Variants in QRICH2 observed in about 807,000 individuals in gnomAD.
QRICH2 encodes the protein glutamine rich 2, also known as glutamine-rich protein 2.
QRICH2 carries 119 observed loss-of-function variants against 168.3 expected under a neutral mutation model. That is an observed-to-expected ratio of 0.71 (90% CI 0.61 to 0.82). The LOEUF is 0.82. Among genes scored for constraint, QRICH2 ranks in the 40% least tolerant of loss-of-function variants. The pLI is 0.00. For synonymous variants in QRICH2, 894 were observed against 951.2 expected (o/e 0.94, Z 1.11); for missense variants, 2,241 against 2,491.6 (o/e 0.90, Z 2.14).
Position 76,307,384 on chromosome 17 carries a change from G to A in QRICH2, c.534+81C>T, listed in dbSNP as rs561334026. Reference sequence around the variant, plus strand: ...GTCCCCACCACCGCTCACCCCTCCAGGGTGGTGGGGACTCGGCTAGGCCTG... The same window carrying A: ...GTCCCCACCACCGCTCACCCCTCCAAGGTGGTGGGGACTCGGCTAGGCCTG... On this transcript the variant is annotated intron_variant, in intron 1 of 18. Coordinates refer to ENST00000680821, the MANE Select transcript of QRICH2 (RefSeq NM_001388453.1). This position sits in a 1 kb window ranked among gnomAD's most constrained non-coding sequence, Gnocchi z 5.3. 9 of 1,464,764 alleles carry A rather than the reference G, an allele frequency of 6.1e-6. No homozygotes were observed. The highest frequency in any genetic ancestry group is 3.4e-5 in the South Asian group (3 of 87,282). The allele number at this position is 1,464,764 out of a possible 1,614,324, so 90.7% of individuals were successfully genotyped here.
At chr17:76,282,419 C>A (rs549119186) in intron 7 of QRICH2, among the ~76,000 whole-genome samples, 9 of 152,330 alleles carry the variant, frequency 5.9e-5, no homozygotes, top group African/African-American at 1.9e-4. Flanking sequence ...TTAGCTAAAT[C>A]GTAAAGTGCT....
intron 3 of QRICH2, among the ~76,000 whole-genome samples, chr17:76,296,574 T>C (rs1300500823): frequency 6.6e-6 from 1 of 151,986 alleles, no homozygotes; most frequent in Non-Finnish European, 1.5e-5. Flanking sequence ...GGTTAGCAGT[T>C]TGAGACCAGC....
chr17:76,291,747 A>C lies in QRICH2; in HGVS notation c.2980T>G (p.Phe994Val), dbSNP rs772774354. Reference sequence around the variant, plus strand: ...ATAAAACCTGTAGAATCTGCCTGGAATGTTGAAGAGCCACGAAGCTTTGTG... The same window carrying C: ...ATAAAACCTGTAGAATCTGCCTGGACTGTTGAAGAGCCACGAAGCTTTGTG... Reference protein sequence around the residue: ...PGTKLRGSSTFQADSTGFISV... With the variant: ...PGTKLRGSSTVQADSTGFISV... The change falls in exon 4 of 19, where the codon TTC (phenylalanine) becomes GTC (valine). Residue 994 changes from phenylalanine (F) to valine (V), a missense_variant. Transcript: ENST00000680821. 18 of 1,614,192 alleles carry C rather than the reference A, an allele frequency of 1.1e-5. No homozygotes were observed. Among genetic ancestry groups the C allele is most frequent in the Non-Finnish European group, 1.5e-5 (18 of 1,180,030 alleles).
At position 76,291,037 on chromosome 17, in the gene QRICH2, G is replaced by T; in HGVS notation, c.3690C>A (p.Ile1230=). ...CACCCATCTGTGCCAGCAGGAACTG[G>T]ATCTTCTCCAAGTCGGTTTGGCCGG... ...EQAGQTDLEK[I]QFLLAQMVKR... Residue 1230 remains isoleucine (I), a synonymous_variant, in exon 4 of 19, where the codon ATC becomes ATA. Coordinates refer to ENST00000680821, the MANE Select transcript of QRICH2 (RefSeq NM_001388453.1). 1 of 1,613,192 alleles carries T rather than the reference G, an allele frequency of 6.2e-7. No homozygotes were observed. Among genetic ancestry groups the T allele is most frequent in the Non-Finnish European group, 8.5e-7 (1 of 1,179,238 alleles).
intron 7 of QRICH2, among the ~76,000 whole-genome samples, chr17:76,285,120 A>G (rs1231709818): frequency 9.8e-6 from 1 of 102,482 alleles, no homozygotes; most frequent in Non-Finnish European, 1.8e-5. Flanking sequence ...ACACCCAGCT[A>G]TTTTCTGTTG....
intron 1 of QRICH2, among the ~76,000 whole-genome samples, chr17:76,306,182 A>AAC (rs1555588761): frequency 6.6e-6 from 1 of 150,724 alleles, no homozygotes; most frequent in Non-Finnish European, 1.5e-5. Context: ...AAAAAAAAAA[A>AAC]AAAAAAAAAA....
In QRICH2 at chr17:76,289,974, G is replaced by C; in HGVS notation, c.3798+18C>G. On this transcript the variant is annotated intron_variant, in intron 5 of 18. Transcript: ENST00000680821. ...CTCAAAAAAAAAAAAAAGACAAAGT[G>C]GGTTGACTCTTCCTTACTTTTGCTT... is the stretch of plus-strand genomic sequence containing the variant. The C allele has an allele frequency of 2.6e-6, 4 of 1,556,812 alleles. No individual in the cohort carries two copies. The highest frequency in any genetic ancestry group is 1.1e-5 in the South Asian group (1 of 87,600).
upstream of QRICH2, chr17:76,310,893 G>GT (rs1427252372): frequency 2.0e-5 from 3 of 151,812 alleles, no homozygotes. Context: ...CTGCTGTTCT[G>GT]TATCCATGGT....
Position 76,307,894 on chromosome 17 carries a change from C to T in QRICH2, c.105G>A (p.Val35=). ...GGAGGTCGAGGTTCTTGAGCATGGC[C>T]ACGATGAGCGTGTGCAGGGCCGTGA... ...VNFTALHTLI[V]AMLKNLDLQN... The change falls in exon 1 of 19, where the codon GTG becomes GTA. Residue 35 remains valine, a synonymous_variant. Transcript: ENST00000680821. This position sits in a 1 kb window ranked among gnomAD's most constrained non-coding sequence, Gnocchi z 5.3. 6.3e-6 allele frequency: 8 copies of T among 1,268,592 alleles called. No homozygotes were observed. Among genetic ancestry groups the T allele is most frequent in the Non-Finnish European group, 7.9e-6 (8 of 1,009,282 alleles). The allele number at this position is 1,268,592 out of a possible 1,614,324, so 78.6% of individuals were successfully genotyped here. A position where few individuals can be genotyped will look rare whatever the true frequency, so the allele number is the denominator to read the frequency against.
intron 15 of QRICH2, 24 bp downstream of exon 15, chr17:76,277,965 T>C (rs2070717750): frequency 1.2e-6 from 2 of 1,603,648 alleles, no homozygotes; most frequent in East Asian, 2.2e-5. Context: ...CCTGCTCCCA[T>C]GGCCTCGCCC....
intron 4 of QRICH2, 70 bp from the exon 5 acceptor site, chr17:76,290,147 C>T: frequency 1.8e-6 from 2 of 1,140,060 alleles, no homozygotes; most frequent in Non-Finnish European, 2.6e-6. Flanking sequence ...CCATTTCCAG[C>T]CCCTGTAACA....
Position 76,281,041 on chromosome 17 carries a change from G to A in QRICH2, c.4264-88C>T. ...ATAATATTGCTGCCCCAGGTAAGTTGGCCCTTAAAACATCTGCAAGGCTGG... is the reference window on the plus strand; with the variant it reads ...ATAATATTGCTGCCCCAGGTAAGTTAGCCCTTAAAACATCTGCAAGGCTGG... On this transcript the variant is annotated intron_variant, in intron 8 of 18. Transcript: ENST00000680821. This position sits in a 1 kb window ranked among gnomAD's most constrained non-coding sequence, Gnocchi z 4.4. The A allele has an allele frequency of 6.6e-7, 1 of 1,523,698 alleles. No individual in the cohort carries two copies. The highest frequency in any genetic ancestry group is 8.8e-7 in the Non-Finnish European group (1 of 1,138,590). 94.4% of individuals were successfully genotyped at this position (1,523,698 alleles called of 1,614,324 possible).
chr17:76,307,971 G>GGAGGGA lies in QRICH2; in HGVS notation c.22_27dup (p.Ser8_Leu9dup). The GGAGGGA allele has an allele frequency of 8.1e-7, 1 of 1,233,616 alleles. No homozygotes were observed. 76.4% of individuals were successfully genotyped at this position (1,233,616 alleles called of 1,614,324 possible). The stretch of plus-strand genomic sequence containing the variant: ...CCGATGGAGAGGTCCGCCAGCTCCC[G>GGAGGGA]GAGGGAGACCGTGGTCGCGGGCGGC... On this transcript the variant is annotated inframe_insertion, in exon 1 of 19. Transcript: ENST00000680821. This position sits in a 1 kb window ranked among gnomAD's most constrained non-coding sequence, Gnocchi z 5.3.
At chr17:76,298,684 C>T (rs557533820) in intron 3 of QRICH2, among the ~76,000 whole-genome samples, 11 of 151,932 alleles carry the variant, frequency 7.2e-5, no homozygotes, top group South Asian at 2.1e-4. Flanking sequence ...GGCGCGATCT[C>T]GGCTCACTGC....
chr17:76,279,159 G>A lies in QRICH2; in HGVS notation c.4815-17C>T. ...GGGATGGCACTGGGCAGGGACAGAGGGAGAAGGGGCGGGTCAGAGTGGGAC... is the reference window on the plus strand; with the variant it reads ...GGGATGGCACTGGGCAGGGACAGAGAGAGAAGGGGCGGGTCAGAGTGGGAC... On this transcript the variant is annotated splice_polypyrimidine_tract_variant and intron_variant, in intron 13 of 18. Transcript: ENST00000680821. The A allele has an allele frequency of 6.3e-7, 1 of 1,597,458 alleles. No individual in the cohort carries two copies. The highest frequency in any genetic ancestry group is 8.6e-7 in the Non-Finnish European group (1 of 1,167,828).
chr17:76,300,951 G>C (rs983546268), intron 3 of QRICH2, among the ~76,000 whole-genome samples: 1 of 152,164 alleles, frequency 6.6e-6, no homozygotes, highest in Non-Finnish European at 1.5e-5. Flanking sequence ...CTACTCGGGA[G>C]GCTGAGGCAG....
intron 14 of QRICH2, 27 bp from the exon 15 acceptor site, chr17:76,278,216 A>G: frequency 6.3e-7 from 1 of 1,596,902 alleles, no homozygotes; most frequent in Non-Finnish European, 8.5e-7. Context: ...GAACAGAGGG[A>G]GGGTTGGCCC....
rs776673462 is a variant in QRICH2, at chr17:76,292,715, A to G, written c.2012T>C (p.Val671Ala). The stretch of plus-strand genomic sequence containing the variant: ...AGCACGCTGAAATCTGCCAGGTTGG[A>G]CCATGCCAGGCTGATCTACACCAGG... ...VQPGVDQPGM[V>A]QPGRFQRALV... Residue 671 changes from valine (V) to alanine (A), a missense_variant, in exon 4 of 19, where the codon GTC becomes GCC. Physicochemically the swap from Val to Ala is moderately conservative, Grantham distance 64 (BLOSUM62 0). This residue lies in a region of QRICH2 where 2,047 missense variants were observed against 2,303.8 expected (regional missense o/e 0.89). Coordinates refer to ENST00000680821, the MANE Select transcript of QRICH2 (RefSeq NM_001388453.1). 1.2e-6 allele frequency: 2 copies of G among 1,609,536 alleles called. No individual in the cohort carries two copies. The highest frequency in any genetic ancestry group is 2.7e-5 in the African/African-American group (2 of 73,338).
At chr17:76,302,176 C>T (rs2585747) in intron 3 of QRICH2, among the ~76,000 whole-genome samples, 2 of 151,644 alleles carry the variant, frequency 1.3e-5, no homozygotes, top group Non-Finnish European at 2.9e-5. Flanking sequence ...GGGATTCCAG[C>T]TGTGAGCCAC....
Sources: gnomAD v4.1 joint callset for allele counts (sites outside exome capture counted in the v4.1 genomes callset) on GRCh38, gnomAD v4.1.1 for gene constraint, gnomAD v4.1.1 regional missense constraint, Gnocchi (gnomAD v3.1) non-coding constraint, MANE v1.5 for transcripts, NCBI Gene and HGNC (gene_info 2026-07-23, HGNC 2026-07-21) for gene names.